CAMK2D: variants seen among roughly 807,000 people sequenced by gnomAD.
CAMK2D encodes the protein calcium/calmodulin dependent protein kinase II delta, also known as calcium/calmodulin-dependent protein kinase type II subunit delta.
Under a neutral mutation model 84.0 loss-of-function variants are expected in CAMK2D, and 37 were observed. That is an observed-to-expected ratio of 0.44 (90% CI 0.34 to 0.58). The LOEUF (loss-of-function observed/expected upper bound fraction) is 0.58. Ranked by LOEUF, CAMK2D falls within the 20% of genes least tolerant of loss-of-function variation. The probability of loss-of-function intolerance (pLI) is 0.02; values close to 1 mark genes in which losing one functional copy is unlikely to be tolerated. For missense variants in CAMK2D, 448 were observed against 652.5 expected, an observed-to-expected ratio of 0.69 and a Z score of 3.41; for synonymous variants, 202 against 212.5, an observed-to-expected ratio of 0.95 and a Z score of 0.43.
At chr4:113,596,806 T>G (rs889102076) in intron 4 of CAMK2D, among the ~76,000 whole-genome samples, 6 of 149,354 alleles carry the variant, frequency 4.0e-5, no homozygotes, top group Admixed American at 2.0e-4. Flanking sequence ...AGCATCTATC[T>G]TAAGGGTCCT....
chr4:113,461,442 G>T (rs1463316198), intron 17 of CAMK2D, among the ~76,000 whole-genome samples: 1 of 152,190 alleles, frequency 6.6e-6, no homozygotes, highest in African/African-American at 2.4e-5. Context: ...TGTGGGAGGT[G>T]GTGGGCAGGG....
intron 4 of CAMK2D, among the ~76,000 whole-genome samples, chr4:113,605,966 A>T (rs2098975077): frequency 6.6e-6 from 1 of 152,218 alleles, no homozygotes; most frequent in Non-Finnish European, 1.5e-5. Context: ...AATTTGAATG[A>T]GAAGATAATC....
chr4:113,562,542 G>A (rs2098703116), intron 4 of CAMK2D, among the ~76,000 whole-genome samples: 1 of 152,168 alleles, frequency 6.6e-6, no homozygotes, highest in Admixed American at 6.5e-5. Context: ...ATTTCCCCAT[G>A]TGATTTCTAA....
At chr4:113,654,797 A>G (rs1441348001) in intron 3 of CAMK2D, among the ~76,000 whole-genome samples, 2 of 151,964 alleles carry the variant, frequency 1.3e-5, no homozygotes, top group East Asian at 1.9e-4. Flanking sequence ...AGTTTATGCT[A>G]GATAATGTAT....
intron 2 of CAMK2D, among the ~76,000 whole-genome samples, chr4:113,745,712 T>C (rs2099602720): frequency 6.6e-6 from 1 of 152,248 alleles, no homozygotes; most frequent in Non-Finnish European, 1.5e-5. Flanking sequence ...GTTTATTTTC[T>C]TGGAGATAAA....
chr4:113,490,711 G>T (rs909158634), intron 16 of CAMK2D, among the ~76,000 whole-genome samples: 1 of 150,252 alleles, frequency 6.7e-6, no homozygotes, highest in Non-Finnish European at 1.5e-5. Flanking sequence ...GGATGGCATT[G>T]AATCTGTAAA....
chr4:113,507,842 A>G (rs2098151024), intron 13 of CAMK2D, among the ~76,000 whole-genome samples: 1 of 151,878 alleles, frequency 6.6e-6, no homozygotes, highest in Non-Finnish European at 1.5e-5. Context: ...ACCTTTATAA[A>G]CTCCATGGTG....
chr4:113,754,121 T>C (rs547455306), intron 2 of CAMK2D: 108 of 886,426 alleles, frequency 1.2e-4, no homozygotes, highest in Non-Finnish European at 1.4e-4. Flanking sequence ...AGTTAAAATA[T>C]TGCTAATACT....
At chr4:113,647,994 GGGA>G (rs886773047) in intron 3 of CAMK2D, among the ~76,000 whole-genome samples, 1 of 152,130 alleles carries the variant, frequency 6.6e-6, no homozygotes, top group Non-Finnish European at 1.5e-5. Context: ...GAAATTATTT[GGGA>G]GAAGGAGATT....
chr4:113,494,605 C>A (rs1308051996), intron 16 of CAMK2D, among the ~76,000 whole-genome samples: 1 of 152,228 alleles, frequency 6.6e-6, no homozygotes, highest in Non-Finnish European at 1.5e-5. Flanking sequence ...TTGTCTGTGT[C>A]CTGCCCCCAG....
chr4:113,702,190 T>TAGTGTAAGA (rs2099420539), intron 2 of CAMK2D, among the ~76,000 whole-genome samples: 1 of 152,218 alleles, frequency 6.6e-6, no homozygotes, highest in South Asian at 2.1e-4. Flanking sequence ...AAGAGGTTAC[T>TAGTGTAAGA]TTCACTAGAG....
At chr4:113,508,324 T>G in intron 13 of CAMK2D, 1 of 1,252,116 alleles carries the variant, frequency 8.0e-7, no homozygotes. Context: ...CCGGTTGAAT[T>G]TAGAGTATCA....
chr4:113,517,190 T>C (rs904246532), intron 9 of CAMK2D, among the ~76,000 whole-genome samples: 1 of 152,066 alleles, frequency 6.6e-6, no homozygotes, highest in Non-Finnish European at 1.5e-5. Flanking sequence ...CAAAATATTG[T>C]TGGTATATAA....
intron 2 of CAMK2D, among the ~76,000 whole-genome samples, chr4:113,748,927 A>G (rs1042801305): frequency 2.0e-5 from 3 of 151,894 alleles, no homozygotes; most frequent in African/African-American, 4.8e-5. Context: ...TTGTAATTCT[A>G]TACCTAACAA....
chr4:113,668,737 A>G (rs962940998), intron 2 of CAMK2D, among the ~76,000 whole-genome samples: 6 of 152,132 alleles, frequency 3.9e-5, no homozygotes, highest in Non-Finnish European at 2.9e-5. Flanking sequence ...ACGGACAAAA[A>G]CTCACAATTA....
At chr4:113,731,577 G>A (rs1336909995) in intron 2 of CAMK2D, among the ~76,000 whole-genome samples, 2 of 149,306 alleles carry the variant, frequency 1.3e-5, no homozygotes, top group African/African-American at 4.9e-5. Flanking sequence ...TCTAAGCCAG[G>A]GTTATTGCTT....
chr4:113,597,123 C>T (rs1208514600), intron 4 of CAMK2D, among the ~76,000 whole-genome samples: 2 of 152,024 alleles, frequency 1.3e-5, no homozygotes, highest in South Asian at 2.1e-4. Context: ...TGGCCGGGTC[C>T]TAAAATTTTT....
chr4:113,628,926 A>G (rs2099078196), intron 3 of CAMK2D, among the ~76,000 whole-genome samples: 1 of 152,146 alleles, frequency 6.6e-6, no homozygotes. Flanking sequence ...TCAAGTTGCC[A>G]GTAATACAAA....
intron 4 of CAMK2D, among the ~76,000 whole-genome samples, chr4:113,583,566 T>C (rs1305484903): frequency 6.6e-6 from 1 of 152,208 alleles, no homozygotes; most frequent in Non-Finnish European, 1.5e-5. Flanking sequence ...GCAGGATTCC[T>C]CTGGATAACT....
Sources: gnomAD v4.1 joint callset for allele counts (sites outside exome capture counted in the v4.1 genomes callset) on GRCh38, gnomAD v4.1.1 for gene constraint, MANE v1.5 for transcripts, NCBI Gene and HGNC (gene_info 2026-07-23, HGNC 2026-07-21) for gene names.